Variants in MYO5B observed in about 807,000 individuals in gnomAD.
MYO5B encodes the protein unconventional myosin-Vb.
In MYO5B, 143 loss-of-function variants were observed where a neutral mutation model predicts 229.3. The ratio of observed to expected loss-of-function variants is 0.62; its 90% confidence interval spans 0.54 to 0.72. The LOEUF (loss-of-function observed/expected upper bound fraction) is 0.72, where lower values mean the gene tolerates loss of function less well. Ranked by LOEUF, MYO5B falls within the 30% of genes least tolerant of loss-of-function variation. The pLI is 0.00. For missense variants in MYO5B, 2,321 were observed against 2,331.0 expected, an observed-to-expected ratio of 1.00 and a Z score of 0.09; for synonymous variants, 918 against 885.2, an observed-to-expected ratio of 1.04 and a Z score of -0.66.
At chr18:49,901,102 C>A (rs1488970469) in intron 21 of MYO5B, among the ~76,000 whole-genome samples, 1 of 152,196 alleles carries the variant, frequency 6.6e-6, no homozygotes, top group Non-Finnish European at 1.5e-5. Context: ...GAGCTTGGCA[C>A]ATGGCAGGTG....
rs572147496 is a variant in MYO5B at position 50,033,206 on chromosome 18, T to G, written c.455+3644A>C. 2.6e-5 allele frequency among the ~76,000 whole-genome samples: 4 copies of G among 152,292 alleles called. No homozygotes were observed. In the East Asian group the frequency reaches 7.7e-4, roughly 29 times the overall value. On this transcript the variant is annotated intron_variant, in intron 4 of 39. Transcript: ENST00000285039. The stretch of plus-strand genomic sequence containing the variant: ...ATATCTTTGATTGTAGACATCCTAG[T>G]GAGTGCAAGGCAGTATCTTGTGGTT...
At chr18:50,047,255 C>T (rs2030256359) in intron 2 of MYO5B, among the ~76,000 whole-genome samples, 1 of 152,068 alleles carries the variant, frequency 6.6e-6, no homozygotes, top group Admixed American at 6.6e-5. Context: ...AAAAAACAAA[C>T]AACCCCATCA....
At chr18:50,124,763 C>G (rs981288658) in intron 1 of MYO5B, among the ~76,000 whole-genome samples, 5 of 151,966 alleles carry the variant, frequency 3.3e-5, no homozygotes, top group African/African-American at 4.8e-5. Flanking sequence ...TCTCTCCCCC[C>G]GCCCCACCCC....
intron 14 of MYO5B, among the ~76,000 whole-genome samples, chr18:49,951,814 G>A (rs902691348): frequency 6.6e-6 from 1 of 151,836 alleles, no homozygotes; most frequent in African/African-American, 2.4e-5. Flanking sequence ...TCGTGAGGAA[G>A]GGGATCCTAG....
chr18:49,933,680 A>G (rs1382845435), intron 16 of MYO5B, among the ~76,000 whole-genome samples: 1 of 152,216 alleles, frequency 6.6e-6, no homozygotes, highest in Non-Finnish European at 1.5e-5. Context: ...TATGATGCAC[A>G]GGACAGCACC....
At chr18:50,174,207 A>C (rs7242823) in intron 1 of MYO5B, among the ~76,000 whole-genome samples, 68,742 of 151,978 alleles carry the variant, frequency 0.45, 15,905 homozygotes, top group Non-Finnish European at 0.52. Flanking sequence ...GACAAACAGA[A>C]TAGGATAAAG....
chr18:50,157,430 C>A (rs186927803), intron 1 of MYO5B, among the ~76,000 whole-genome samples: 1 of 152,136 alleles, frequency 6.6e-6, no homozygotes, highest in Non-Finnish European at 1.5e-5. Flanking sequence ...TGATCTGACC[C>A]GGGTCTCTTT....
At chr18:50,038,323 T>C (rs1365340965) in intron 3 of MYO5B, among the ~76,000 whole-genome samples, 1 of 152,146 alleles carries the variant, frequency 6.6e-6, no homozygotes, top group Non-Finnish European at 1.5e-5. Context: ...TCCCTTCTGG[T>C]GTCTGAAAAG....
At chr18:50,021,150 A>G (rs1281464832) in intron 4 of MYO5B, among the ~76,000 whole-genome samples, 1 of 152,206 alleles carries the variant, frequency 6.6e-6, no homozygotes, top group African/African-American at 2.4e-5. Flanking sequence ...TCCTCCTCTG[A>G]GGAGCCATTG....
At chr18:49,939,046 G>A (rs2721090) in intron 14 of MYO5B, among the ~76,000 whole-genome samples, 39,900 of 151,834 alleles carry the variant, frequency 0.26, 8,134 homozygotes, top group African/African-American at 0.57. Context: ...GAGAGAATCC[G>A]TGTAAGCATG....
chr18:50,146,735 C>T (rs1705508), intron 1 of MYO5B, among the ~76,000 whole-genome samples: 149,101 of 152,348 alleles, frequency 0.98, 73,049 homozygotes, highest in East Asian at 1. Context: ...TTTAGATGTT[C>T]TTCTCTGTGA....
At chr18:50,056,485 C>G (rs1240341793) in intron 1 of MYO5B, among the ~76,000 whole-genome samples, 1 of 152,170 alleles carries the variant, frequency 6.6e-6, no homozygotes, top group Non-Finnish European at 1.5e-5. Flanking sequence ...TCCACAGGGC[C>G]TATTTTCTGT....
At chr18:50,031,111 T>G (rs2026383916) in intron 4 of MYO5B, among the ~76,000 whole-genome samples, 1 of 152,056 alleles carries the variant, frequency 6.6e-6, no homozygotes, top group African/African-American at 2.4e-5. Context: ...AGACAAAATT[T>G]AGAGAGGCGG....
At chr18:50,071,685 G>A (rs974588493) in intron 1 of MYO5B, among the ~76,000 whole-genome samples, 1 of 152,228 alleles carries the variant, frequency 6.6e-6, no homozygotes, top group African/African-American at 2.4e-5. Context: ...CATAGCTCCT[G>A]TAACTTCTAG....
intron 1 of MYO5B, among the ~76,000 whole-genome samples, chr18:50,076,313 G>A (rs1010979363): frequency 2.0e-5 from 3 of 152,152 alleles, no homozygotes; most frequent in Non-Finnish European, 2.9e-5. Context: ...GGAGGTGGCA[G>A]TGGACGATCA....
rs769636819 is a variant in MYO5B at position 50,055,357 on chromosome 18, C to T, written c.49G>A (p.Asp17Asn). Reference sequence around the variant, plus strand: ...GCTGAGCGCCATACCTCATCAGGGTCAGGGATCCAGACCCTTGTGCACTGA... The same window carrying T: ...GCTGAGCGCCATACCTCATCAGGGTTAGGGATCCAGACCCTTGTGCACTGA... ...YSQCTRVWIP[D>N]PDEVWRSAEL... Residue 17 changes from aspartate (D) to asparagine (N), a missense_variant, in exon 2 of 40, where the codon GAC becomes AAC. Asp to Asn is a conservative substitution (Grantham distance 23). Around this residue, in one of 2 missense-constraint regions of MYO5B, gnomAD observed 2,113 missense variants for 2,044.7 expected, o/e 1.03. Transcript: ENST00000285039. The T allele has an allele frequency of 6.2e-7, 1 of 1,613,682 alleles. No homozygotes were observed. Among genetic ancestry groups the T allele is most frequent in the East Asian group, 2.2e-5 (1 of 44,854 alleles).
chr18:49,906,718 A>G, intron 18 of MYO5B, 88 bp from the exon 19 acceptor site: 1 of 1,223,932 alleles, frequency 8.2e-7, no homozygotes, highest in Non-Finnish European at 1.2e-6. Context: ...CCCATGCAGA[A>G]TCCCCTGGCC....
In MYO5B at chr18:49,992,421, T is replaced by C; in HGVS notation, c.623A>G (p.Asn208Ser). The C allele has an allele frequency of 6.2e-7, 1 of 1,614,128 alleles. No homozygotes were observed. The highest frequency in any genetic ancestry group is 1.1e-5 in the South Asian group (1 of 91,078). Residue 208 changes from asparagine (N) to serine (S), a missense_variant, in exon 6 of 40, where the codon AAT (asparagine) becomes AGT (serine). By Grantham distance (46) the Asn-to-Ser change is conservative. This residue lies in a region of MYO5B where 2,113 missense variants were observed against 2,044.7 expected (regional missense o/e 1.03). Coordinates refer to ENST00000285039, the MANE Select transcript of MYO5B (RefSeq NM_001080467.3). Reference sequence around the variant, plus strand: ...GTTGTCATTGCGGGTGGTCTTGGCATTTCCAATGGCCTGCACAGACCAGAC... The same window carrying C: ...GTTGTCATTGCGGGTGGTCTTGGCACTTCCAATGGCCTGCACAGACCAGAC... ...ASSPIMEAIG[N>S]AKTTRNDNSS...
intron 18 of MYO5B, among the ~76,000 whole-genome samples, chr18:49,907,269 C>T (rs948289730): frequency 6.6e-6 from 1 of 152,156 alleles, no homozygotes; most frequent in Admixed American, 6.5e-5. Flanking sequence ...AGGAAATGAC[C>T]TGATCTGATC....
Sources: gnomAD v4.1 joint callset for allele counts (sites outside exome capture counted in the v4.1 genomes callset) on GRCh38, gnomAD v4.1.1 for gene constraint, gnomAD v4.1.1 regional missense constraint, MANE v1.5 for transcripts, NCBI Gene and HGNC (gene_info 2026-07-23, HGNC 2026-07-21) for gene names.